NAA11: variants seen among roughly 807,000 people sequenced by gnomAD.
NAA11 encodes the protein N-alpha-acetyltransferase 11.
Under a neutral mutation model 16.1 loss-of-function variants are expected in NAA11, and 15 were observed. The ratio of observed to expected loss-of-function variants is 0.93; its 90% confidence interval spans 0.62 to 1.44. The LOEUF (loss-of-function observed/expected upper bound fraction) is 1.44. Among genes scored for constraint, NAA11 ranks in the 40% most tolerant of loss-of-function variants. The pLI, the probability that NAA11 is intolerant of heterozygous loss-of-function variation, is 0.00. For missense variants in NAA11, 298 were observed against 291.3 expected (o/e 1.02, Z -0.17); for synonymous variants, 122 against 112.4 (o/e 1.09, Z -0.54).
intron 2 of NAA11, among the ~76,000 whole-genome samples, chr4:79,237,319 G>A (rs1721591068): frequency 6.6e-6 from 1 of 152,160 alleles, no homozygotes; most frequent in South Asian, 2.1e-4. Flanking sequence ...TGGTATGTAT[G>A]TGGAGTTAGG....
At chr4:79,287,949 A>G (rs1228201769) in intron 2 of NAA11, among the ~76,000 whole-genome samples, 1 of 152,056 alleles carries the variant, frequency 6.6e-6, no homozygotes, top group Non-Finnish European at 1.5e-5. Context: ...ATTTTATTTT[A>G]TATGTCAGGC....
At chr4:79,277,906 G>C (rs1191178028) in intron 2 of NAA11, among the ~76,000 whole-genome samples, 2 of 151,556 alleles carry the variant, frequency 1.3e-5, no homozygotes, top group Non-Finnish European at 2.9e-5. Flanking sequence ...CTACATAGAA[G>C]TAACTTGCCT....
the NAA11 span, among the ~76,000 whole-genome samples, chr4:79,187,587 T>A: frequency 5.9e-5 from 9 of 152,348 alleles, no homozygotes; most frequent in Non-Finnish European, 1.3e-4. Flanking sequence ...TGTCATTTGA[T>A]GGCATGTAGT....
At chr4:79,203,291 T>C in the NAA11 span, among the ~76,000 whole-genome samples, 2 of 151,736 alleles carry the variant, frequency 1.3e-5, no homozygotes, top group Admixed American at 1.3e-4. Context: ...CTGAAGGTAT[T>C]TGAAGCATCT....
intron 2 of NAA11, among the ~76,000 whole-genome samples, chr4:79,258,483 T>C (rs1722174893): frequency 6.6e-6 from 1 of 152,212 alleles, no homozygotes; most frequent in South Asian, 2.1e-4. Context: ...CAGCTGGGTG[T>C]GCACATGGTC....
chr4:79,265,533 G>T (rs895713390), intron 2 of NAA11, among the ~76,000 whole-genome samples: 1 of 152,136 alleles, frequency 6.6e-6, no homozygotes, highest in Non-Finnish European at 1.5e-5. Context: ...CACCTATGGG[G>T]TATCTTGCTG....
the NAA11 span, among the ~76,000 whole-genome samples, chr4:79,181,091 G>T: frequency 6.6e-6 from 1 of 152,046 alleles, no homozygotes; most frequent in African/African-American, 2.4e-5. Flanking sequence ...AGGGTGGAGG[G>T]AGGGGGAGGG....
At chr4:79,318,130 G>A (rs1723980921) in intron 1 of NAA11, among the ~76,000 whole-genome samples, 1 of 152,118 alleles carries the variant, frequency 6.6e-6, no homozygotes, top group East Asian at 1.9e-4. Flanking sequence ...AAGAAACTGA[G>A]ATCATTTTGC....
chr4:79,311,596 T>C (rs952597509), intron 1 of NAA11, among the ~76,000 whole-genome samples: 3 of 152,230 alleles, frequency 2.0e-5, no homozygotes, highest in African/African-American at 7.2e-5. Context: ...TAAAGCAAGG[T>C]ATATGCAATT....
the NAA11 span, among the ~76,000 whole-genome samples, chr4:79,214,852 C>T: frequency 6.6e-6 from 1 of 152,046 alleles, no homozygotes; most frequent in Non-Finnish European, 1.5e-5. Context: ...TTATTTCTCA[C>T]CCTCTCTTGC....
intron 2 of NAA11, among the ~76,000 whole-genome samples, chr4:79,226,846 G>C (rs931299306): frequency 6.6e-6 from 1 of 151,968 alleles, no homozygotes; most frequent in Non-Finnish European, 1.5e-5. Context: ...CATTTGGGTT[G>C]GTTCCAAGTC....
chr4:79,256,251 A>G (rs1158755156), intron 2 of NAA11, among the ~76,000 whole-genome samples: 1 of 152,072 alleles, frequency 6.6e-6, no homozygotes, highest in East Asian at 1.9e-4. Flanking sequence ...GGTTTTAGTT[A>G]TACTTTCTTA....
chr4:79,161,922 C>A, the NAA11 span, among the ~76,000 whole-genome samples: 1 of 152,188 alleles, frequency 6.6e-6, no homozygotes, highest in Admixed American at 6.5e-5. Context: ...ACCTCATGAT[C>A]TGCCCACCTC....
chr4:79,261,249 G>T (rs1258275305), intron 2 of NAA11, among the ~76,000 whole-genome samples: 3 of 152,288 alleles, frequency 2.0e-5, no homozygotes, highest in Non-Finnish European at 4.4e-5. Flanking sequence ...CTTATAGCGT[G>T]TCTGGATACC....
intron 1 of NAA11, among the ~76,000 whole-genome samples, chr4:79,303,872 G>T (rs1234975278): frequency 6.6e-6 from 1 of 152,008 alleles, no homozygotes; most frequent in Admixed American, 6.6e-5. Context: ...GAGCCTAGAT[G>T]GCCTGAGAAA....
At chr4:79,165,001 G>A in the NAA11 span, among the ~76,000 whole-genome samples, 3 of 152,184 alleles carry the variant, frequency 2.0e-5, no homozygotes, top group Non-Finnish European at 2.9e-5. Flanking sequence ...CACACGGAGG[G>A]AACACTCACA....
intron 2 of NAA11, among the ~76,000 whole-genome samples, chr4:79,266,013 C>G (rs1359101713): frequency 6.6e-6 from 1 of 152,156 alleles, no homozygotes; most frequent in Non-Finnish European, 1.5e-5. Context: ...TGGGAAAACT[C>G]AGTATCAACC....
At chr4:79,305,916 A>G (rs1435904278) in intron 1 of NAA11, among the ~76,000 whole-genome samples, 2 of 152,132 alleles carry the variant, frequency 1.3e-5, no homozygotes, top group African/African-American at 4.8e-5. Flanking sequence ...TCCTACTTAC[A>G]TGTCTACTTC....
intron 2 of NAA11, among the ~76,000 whole-genome samples, chr4:79,265,530 G>A (rs1722326469): frequency 6.6e-6 from 1 of 152,090 alleles, no homozygotes; most frequent in Non-Finnish European, 1.5e-5. Context: ...TTACACCTAT[G>A]GGGTATCTTG....
Sources: allele counts gnomAD v4.1 joint callset (sites outside exome capture counted in the v4.1 genomes callset), GRCh38; gene constraint gnomAD v4.1.1; transcripts MANE v1.5; gene names NCBI Gene and HGNC (gene_info 2026-07-23, HGNC 2026-07-21).